The following CPNE6 variants were observed in gnomAD, a reference collection of about 807,000 sequenced individuals.
CPNE6 encodes copine 6.
Under a neutral mutation model 71.5 loss-of-function variants are expected in CPNE6, and 33 were observed. The observed-to-expected ratio is 0.46, with a 90% CI of 0.35 to 0.62. The LOEUF is 0.62. Among genes scored for constraint, CPNE6 ranks in the 20% least tolerant of loss-of-function variants. The pLI is 0.00. For synonymous variants in CPNE6, 296 were observed against 293.0 expected (o/e 1.01, Z -0.10); for missense variants, 576 against 747.3 (o/e 0.77, Z 2.67).
At chr14:24,076,659 C>T (rs1316890862) in intron 14 of CPNE6, 102 bp downstream of exon 13, 1 of 1,523,406 alleles carries the variant, frequency 6.6e-7, no homozygotes, top group South Asian at 1.1e-5. Context: ...CCCTTCCACC[C>T]ATCCCAGGCC....
intron 11 of CPNE6, 50 bp from the exon 11 acceptor site, chr14:24,076,099 T>C (rs1219554612): frequency 1.9e-6 from 3 of 1,598,518 alleles, no homozygotes; most frequent in South Asian, 1.1e-5. Flanking sequence ...GCCTAGGCAA[T>C]CTGGTGGCTC....
At chr14:24,072,936 C>G (rs567201247) in exon 3 of CPNE6, 1 of 1,572,622 alleles carries the variant, frequency 6.4e-7, no homozygotes, top group Non-Finnish European at 8.6e-7. Context: ...CCCACAGTGA[C>G]ATGTCGGACC....
Position 24,075,421 on chromosome 14 carries a change from C to G in CPNE6, c.778-84C>G. On this transcript the variant is annotated intron_variant, in intron 9 of 17. Transcript: ENST00000397016. The surrounding 1 kb of genome is among the most constrained non-coding windows in gnomAD (Gnocchi z 4.3). ...AGCTGAAGGACGGAACCATGGGGGT[C>G]TTGCTCTGGGAGGCTCTGCTGGAAG... is the stretch of plus-strand genomic sequence containing the variant. 1 of 1,452,618 alleles carries G rather than the reference C, an allele frequency of 6.9e-7. No homozygotes were observed. Among genetic ancestry groups the G allele is most frequent in the Non-Finnish European group, 9.6e-7 (1 of 1,042,242 alleles). 90.0% of individuals were successfully genotyped at this position (1,452,618 alleles called of 1,614,324 possible). A position where few individuals can be genotyped will look rare whatever the true frequency, so the allele number is the denominator to read the frequency against.
Position 24,074,669 on chromosome 14 carries a change from A to G in CPNE6, c.583-37A>G. The G allele has an allele frequency of 6.2e-7, 1 of 1,613,586 alleles. No individual in the cohort carries two copies. The highest frequency in any genetic ancestry group is 8.5e-7 in the Non-Finnish European group (1 of 1,179,474). On this transcript the variant is annotated intron_variant, in intron 7 of 17. Transcript: ENST00000397016. The surrounding 1 kb of genome is among the most constrained non-coding windows in gnomAD (Gnocchi z 4.5). ...GAGGGAGAGTAAAGTAAGAAGACAC[A>G]GACAGGAGCTGACCAGCCACCTGGT... is the stretch of plus-strand genomic sequence containing the variant.
chr14:24,071,501 G>GGGGGGGCCCCCCCCCCCC, intron 1 of CPNE6, 61 bp from the exon 1 acceptor site: 1 of 1,416,704 alleles, frequency 7.1e-7, no homozygotes, highest in Non-Finnish European at 9.3e-7. Context: ...CTGGTGCTGC[G>GGGGGGGCCCCCCCCCCCC]CCCCCCCCCA....
At chr14:24,071,501 G>GGCGCCCCCCCCC in intron 1 of CPNE6, 61 bp from the exon 1 acceptor site, 2 of 1,416,702 alleles carry the variant, frequency 1.4e-6, no homozygotes, top group Non-Finnish European at 1.9e-6. Flanking sequence ...CTGGTGCTGC[G>GGCGCCCCCCCCC]CCCCCCCCCA....
Position 24,077,113 on chromosome 14 carries a change from C to T in CPNE6, c.1300-41C>T. 1 of 1,593,950 alleles carries T rather than the reference C, an allele frequency of 6.3e-7. No individual in the cohort carries two copies. Among genetic ancestry groups the T allele is most frequent in the Non-Finnish European group, 8.5e-7 (1 of 1,174,252 alleles). On this transcript the variant is annotated intron_variant, in intron 15 of 17. Transcript: ENST00000397016. This position sits in a 1 kb window ranked among gnomAD's most constrained non-coding sequence, Gnocchi z 6.1. ...GGTGGAAACGGTGTCAACGCCCTTG[C>T]ACACAAAGCCAACCCTTCCACCCTC... is the stretch of plus-strand genomic sequence containing the variant.
In CPNE6 at chr14:24,077,162, G is replaced by A. The variant is rs753708738; in HGVS notation, c.1308G>A (p.Ser436=). ...TCTCTGCTTGCCCTCAGAAGTACTCGGTGCTGCTGGTGCTCACTGACGGTG... is the reference window on the plus strand; with the variant it reads ...TCTCTGCTTGCCCTCAGAAGTACTCAGTGCTGCTGGTGCTCACTGACGGTG... Residue 436 remains serine (S), a synonymous_variant, in exon 16 of 18, where the codon TCG becomes TCA. Transcript: ENST00000397016. This position sits in a 1 kb window ranked among gnomAD's most constrained non-coding sequence, Gnocchi z 6.1. The A allele has an allele frequency of 2.6e-5, 41 of 1,603,144 alleles. No homozygotes were observed. The highest frequency in any genetic ancestry group is 1.1e-4 in the East Asian group (5 of 44,836).
At chr14:24,071,772 C>A in intron 2 of CPNE6, 131 bp downstream of exon 1, 1 of 562,570 alleles carries the variant, frequency 1.8e-6, no homozygotes. Context: ...CAAGCCCCTG[C>A]CTATCTCGGG....
Position 24,075,916 on chromosome 14 carries a change from A to AAGAGGGAGGGGCTGAGTCCATAGTG in CPNE6, c.924+32_924+56dup. 6.2e-7 allele frequency: 1 copy of AAGAGGGAGGGGCTGAGTCCATAGTG among 1,612,292 alleles called. No individual in the cohort carries two copies. Among genetic ancestry groups the AAGAGGGAGGGGCTGAGTCCATAGTG allele is most frequent in the Non-Finnish European group, 8.5e-7 (1 of 1,178,444 alleles). ...AGACTCAGAGGGAGGGCACACAGGCAAGAGGGAGGGGCTGAGTCCATAGTG... is the reference window on the plus strand; with the variant it reads ...AGACTCAGAGGGAGGGCACACAGGCAAGAGGGAGGGGCTGAGTCCATAGTGAGAGGGAGGGGCTGAGTCCATAGTG... On this transcript the variant is annotated intron_variant, in intron 11 of 17. Coordinates refer to ENST00000397016, the Ensembl canonical transcript of CPNE6. This position sits in a 1 kb window ranked among gnomAD's most constrained non-coding sequence, Gnocchi z 4.3.
At position 24,075,657 on chromosome 14, in the gene CPNE6, C is replaced by T. The variant is rs548733859; in HGVS notation, c.864+66C>T. The stretch of plus-strand genomic sequence containing the variant: ...GCCCCTACCACACTCTCAGGTTCAA[C>T]CCTTCCCTTGTTTCAAAGACCAGTT... On this transcript the variant is annotated intron_variant, in intron 10 of 17. Coordinates refer to ENST00000397016, the Ensembl canonical transcript of CPNE6. This position sits in a 1 kb window ranked among gnomAD's most constrained non-coding sequence, Gnocchi z 4.3. 3 of 1,447,602 alleles carry T rather than the reference C, an allele frequency of 2.1e-6. No homozygotes were observed. Among genetic ancestry groups the T allele is most frequent in the East Asian group, 4.7e-5 (2 of 42,410 alleles). 89.7% of individuals were successfully genotyped at this position (1,447,602 alleles called of 1,614,324 possible). A position where few individuals can be genotyped will look rare whatever the true frequency, so the allele number is the denominator to read the frequency against.
At chr14:24,071,640 A>G (rs2035905230) in exon 2 of CPNE6, 4 of 977,408 alleles carry the variant, frequency 4.1e-6, no homozygotes, top group Non-Finnish European at 4.7e-6. Flanking sequence ...CCGAGAGCCC[A>G]GGTGAGCCCA....
rs147532618 is a variant in CPNE6, at chr14:24,076,585, G to A, written c.1165+28G>A. ...AAAAGGGGAGATTTTCACCTGCCCC[G>A]CCTCCCCGCAGACACACTCCACACA... On this transcript the variant is annotated intron_variant, in intron 14 of 17. Transcript: ENST00000397016. 5.8e-4 allele frequency: 938 copies of A among 1,613,434 alleles called. 6 individuals carry two copies. The African/African-American group carries it at 0.011, about 19-fold the overall frequency.
intron 14 of CPNE6, 131 bp from the exon 14 acceptor site, chr14:24,076,748 C>G: frequency 6.7e-7 from 1 of 1,501,160 alleles, no homozygotes; most frequent in Middle Eastern, 1.7e-4. Flanking sequence ...CCATCCAACT[C>G]TCCCACTGCT....
intron 1 of CPNE6, 61 bp from the exon 1 acceptor site, chr14:24,071,501 G>GACCCCC: frequency 1.4e-6 from 2 of 1,416,704 alleles, no homozygotes; most frequent in Non-Finnish European, 9.3e-7. Flanking sequence ...CTGGTGCTGC[G>GACCCCC]CCCCCCCCCA....
At chr14:24,076,094 G>C in intron 11 of CPNE6, 55 bp from the exon 11 acceptor site, 3 of 1,597,270 alleles carry the variant, frequency 1.9e-6, no homozygotes, top group Non-Finnish European at 2.6e-6. Flanking sequence ...CTCTGGCCTA[G>C]GCAATCTGGT....
At chr14:24,076,095 G>A in intron 11 of CPNE6, 54 bp from the exon 11 acceptor site, 3 of 1,597,184 alleles carry the variant, frequency 1.9e-6, no homozygotes, top group East Asian at 2.2e-5. Context: ...TCTGGCCTAG[G>A]CAATCTGGTG....
In CPNE6 at chr14:24,074,047, C is replaced by T. The variant is rs547195197; in HGVS notation, c.349-4C>T. ...GCTGGGTCTCCCTCCACCTCCATCC[C>T]CAGATTGTGTCACAAACCAAGGTCA... On this transcript the variant is annotated splice_region_variant and splice_polypyrimidine_tract_variant and intron_variant, in intron 4 of 17. Coordinates refer to ENST00000397016, the Ensembl canonical transcript of CPNE6. This position sits in a 1 kb window ranked among gnomAD's most constrained non-coding sequence, Gnocchi z 4.5. 6.2e-7 allele frequency: 1 copy of T among 1,614,026 alleles called. No individual in the cohort carries two copies. Among genetic ancestry groups the T allele is most frequent in the Non-Finnish European group, 8.5e-7 (1 of 1,179,904 alleles).
rs139957456 is a variant in CPNE6, at chr14:24,074,602, C to T, written c.570C>T (p.Val190=). 3.1e-6 allele frequency: 5 copies of T among 1,614,020 alleles called. No individual in the cohort carries two copies. In the African/African-American group the frequency reaches 4.0e-5, roughly 13 times the overall value. ...ACGAGGACCAAAGTGATCAGCTGGT[C>T]TGGAGAACTGAGGTTGGTGCCTGGG... is the stretch of plus-strand genomic sequence containing the variant. The change falls in exon 7 of 18, where the codon GTC becomes GTT. Residue 190 remains valine (V), a synonymous_variant. Transcript: ENST00000397016. The surrounding 1 kb of genome is among the most constrained non-coding windows in gnomAD (Gnocchi z 4.5).
Sources: allele counts gnomAD v4.1 joint callset, GRCh38; gene constraint gnomAD v4.1.1; non-coding constraint Gnocchi (gnomAD v3.1); transcripts MANE v1.5; gene names NCBI Gene and HGNC (gene_info 2026-07-23, HGNC 2026-07-21).